RHBDD1: variants seen among roughly 807,000 people sequenced by gnomAD.
RHBDD1 encodes rhomboid domain containing 1.
Under a neutral mutation model 36.3 loss-of-function variants are expected in RHBDD1, and 38 were observed. The observed-to-expected ratio is 1.05, with a 90% CI of 0.81 to 1.37. The LOEUF (loss-of-function observed/expected upper bound fraction) is 1.37. Among genes scored for constraint, RHBDD1 ranks in the 40% most tolerant of loss-of-function variants. The pLI, the probability that RHBDD1 is intolerant of heterozygous loss-of-function variation, is 0.00. For synonymous variants in RHBDD1, 151 were observed against 136.5 expected, an observed-to-expected ratio of 1.11 and a Z score of -0.74; for missense variants, 393 against 377.6, an observed-to-expected ratio of 1.04 and a Z score of -0.34.
intron 8 of RHBDD1, chr2:226,942,427 G>T: frequency 5.2e-6 from 1 of 191,324 alleles, no homozygotes; most frequent in South Asian, 7.1e-5. Context: ...TTTTAGTAGA[G>T]ACAGGGTTTC....
At chr2:226,890,425 T>A (rs1407745929) in intron 5 of RHBDD1, among the ~76,000 whole-genome samples, 1 of 152,236 alleles carries the variant, frequency 6.6e-6, no homozygotes, top group African/African-American at 2.4e-5. Context: ...CATTCAGTGA[T>A]GAACATCTGC....
At chr2:226,885,909 G>A (rs1040485612) in intron 5 of RHBDD1, among the ~76,000 whole-genome samples, 1 of 152,136 alleles carries the variant, frequency 6.6e-6, no homozygotes, top group African/African-American at 2.4e-5. Context: ...GTTAAGTGAC[G>A]AATGGGCAGG....
chr2:226,902,337 C>T (rs1947664928), intron 5 of RHBDD1, among the ~76,000 whole-genome samples: 1 of 152,158 alleles, frequency 6.6e-6, no homozygotes, highest in South Asian at 2.1e-4. Flanking sequence ...ATCATCTTCC[C>T]CCAAAGCCCA....
At chr2:226,915,003 T>G (rs1279200808) in intron 8 of RHBDD1, among the ~76,000 whole-genome samples, 1 of 152,170 alleles carries the variant, frequency 6.6e-6, no homozygotes, top group African/African-American at 2.4e-5. Context: ...TGTTAAAGTT[T>G]TATGTTTCAT....
intron 3 of RHBDD1, among the ~76,000 whole-genome samples, chr2:226,859,579 G>T (rs1211876859): frequency 1.3e-5 from 2 of 152,194 alleles, no homozygotes; most frequent in Non-Finnish European, 2.9e-5. Context: ...TATTTGTGGT[G>T]ATCCTGTGGT....
At chr2:226,916,840 G>C (rs1225972428) in intron 8 of RHBDD1, among the ~76,000 whole-genome samples, 2 of 152,166 alleles carry the variant, frequency 1.3e-5, no homozygotes, top group Admixed American at 1.3e-4. Context: ...GCCCCCATCA[G>C]TAATTATACA....
At chr2:226,824,511 C>A in the RHBDD1 span, among the ~76,000 whole-genome samples, 49,487 of 151,868 alleles carry the variant, frequency 0.33, 11,710 homozygotes, top group African/African-American at 0.68. Context: ...AGTTGTGTTA[C>A]ATTAAAACAG....
intron 3 of RHBDD1, among the ~76,000 whole-genome samples, chr2:226,849,292 C>T (rs2125061676): frequency 6.6e-6 from 1 of 152,250 alleles, no homozygotes; most frequent in South Asian, 2.1e-4. Context: ...GAAAACACAC[C>T]ATTTGGAAGA....
chr2:226,963,943 T>G (rs143333039), intron 8 of RHBDD1, among the ~76,000 whole-genome samples: 144 of 152,268 alleles, frequency 9.5e-4, no homozygotes, highest in East Asian at 9.3e-3. Flanking sequence ...CAGGGAAGTC[T>G]TCTTCCCTTA....
intron 7 of RHBDD1, among the ~76,000 whole-genome samples, chr2:226,911,044 A>G (rs1307386424): frequency 6.6e-6 from 1 of 152,198 alleles, no homozygotes; most frequent in African/African-American, 2.4e-5. Context: ...TTCATTGAAG[A>G]ACTGCCAGAT....
chr2:226,819,997 T>C, the RHBDD1 span, among the ~76,000 whole-genome samples: 14 of 98,756 alleles, frequency 1.4e-4, no homozygotes, highest in South Asian at 3.0e-4. Flanking sequence ...TTTTTTTTTT[T>C]CTGAAAAAAA....
chr2:226,869,571 C>T (rs1944618150), intron 5 of RHBDD1, among the ~76,000 whole-genome samples: 1 of 152,132 alleles, frequency 6.6e-6, no homozygotes, highest in South Asian at 2.1e-4. Flanking sequence ...AAAAATCTGC[C>T]AAAGCAAACA....
At position 226,937,664 on chromosome 2, in the gene RHBDD1, T is replaced by C. The variant is rs527986336; in HGVS notation, c.856+23313T>C. On this transcript the variant is annotated intron_variant, in intron 8 of 8. Transcript: ENST00000392062. ...TGTGTCCATGCGTTCTCATCATTTA[T>C]CTCTCACTTATAAGTGAGAACATGC... 2.6e-5 allele frequency among the ~76,000 whole-genome samples: 4 copies of C among 152,228 alleles called. No homozygotes were observed. The South Asian group carries it at 8.3e-4, about 32-fold the overall frequency.
At chr2:226,977,169 C>CA (rs1436223354) in intron 8 of RHBDD1, among the ~76,000 whole-genome samples, 1 of 152,204 alleles carries the variant, frequency 6.6e-6, no homozygotes, top group Non-Finnish European at 1.5e-5. Flanking sequence ...CCAGAGAAGT[C>CA]AAGGAGCATC....
At chr2:226,851,110 A>G (rs1574795320) in intron 3 of RHBDD1, among the ~76,000 whole-genome samples, 1 of 152,030 alleles carries the variant, frequency 6.6e-6, no homozygotes, top group Non-Finnish European at 1.5e-5. Context: ...GATGGTCAGT[A>G]TGTTATTTGT....
chr2:226,911,686 A>G (rs1406125227), intron 7 of RHBDD1, among the ~76,000 whole-genome samples: 1 of 151,420 alleles, frequency 6.6e-6, no homozygotes, highest in African/African-American at 2.4e-5. Flanking sequence ...TTCTGATTCT[A>G]TTGGATAGAG....
At chr2:226,827,944 T>C in the RHBDD1 span, among the ~76,000 whole-genome samples, 1 of 152,332 alleles carries the variant, frequency 6.6e-6, no homozygotes, top group African/African-American at 2.4e-5. Context: ...TTATCTTCTT[T>C]AAATAGCTTT....
intron 6 of RHBDD1, 108 bp from the exon 7 acceptor site, chr2:226,908,714 C>T (rs956457544): frequency 1.3e-6 from 1 of 773,214 alleles, no homozygotes; most frequent in African/African-American, 1.8e-5. Context: ...GTTTAGAAAT[C>T]ATTTGAAATG....
At chr2:226,803,199 C>G in the RHBDD1 span, among the ~76,000 whole-genome samples, 1 of 152,000 alleles carries the variant, frequency 6.6e-6, no homozygotes, top group Non-Finnish European at 1.5e-5. Context: ...TAGTAATAAG[C>G]ATTTGAATGC....
Sources: gnomAD v4.1 joint callset for allele counts (sites outside exome capture counted in the v4.1 genomes callset) on GRCh38, gnomAD v4.1.1 for gene constraint, MANE v1.5 for transcripts, NCBI Gene and HGNC (gene_info 2026-07-23, HGNC 2026-07-21) for gene names.